The following MIPEP variants were observed in gnomAD, a reference collection of about 807,000 sequenced individuals.
The protein encoded by MIPEP is mitochondrial intermediate peptidase.
Under a neutral mutation model 90.3 loss-of-function variants are expected in MIPEP, and 79 were observed. The observed-to-expected ratio is 0.87, with a 90% CI of 0.73 to 1.05. The LOEUF is 1.05. Among genes scored for constraint, MIPEP ranks in the 50% least tolerant of loss-of-function variants. The pLI, the probability that MIPEP is intolerant of heterozygous loss-of-function variation, is 0.00. For missense variants in MIPEP, 940 were observed against 905.6 expected, an observed-to-expected ratio of 1.04 and a Z score of -0.49; for synonymous variants, 334 against 315.8, an observed-to-expected ratio of 1.06 and a Z score of -0.61.
chr13:23,743,053 C>T (rs1050384411), intron 18 of MIPEP, among the ~76,000 whole-genome samples: 1 of 152,112 alleles, frequency 6.6e-6, no homozygotes, highest in Non-Finnish European at 1.5e-5. Context: ...TGTGCTATGC[C>T]GTCCTCCATT....
chr13:23,888,315 A>G lies in MIPEP; in HGVS notation c.189+817T>C, dbSNP rs181049533. ...CAAAACTGATAATGGAGATAAAACA[A>G]GAATCACACACTTTAGCTCAGTGCA... On this transcript the variant is annotated intron_variant, in intron 1 of 18. Transcript: ENST00000382172. 2.0e-3 allele frequency among the ~76,000 whole-genome samples: 305 copies of G among 152,354 alleles called. 1 individual carries two copies. The highest frequency in any genetic ancestry group is 7.0e-3 in the African/African-American group (293 of 41,576).
At chr13:23,737,802 T>C (rs2138483714) in intron 18 of MIPEP, among the ~76,000 whole-genome samples, 1 of 152,340 alleles carries the variant, frequency 6.6e-6, no homozygotes, top group Admixed American at 6.5e-5. Context: ...TCTGGCTCCC[T>C]TTCCTAAGGC....
chr13:23,737,841 T>A (rs1952281892), intron 18 of MIPEP, among the ~76,000 whole-genome samples: 1 of 152,236 alleles, frequency 6.6e-6, no homozygotes, highest in Admixed American at 6.5e-5. Context: ...GTGTATCATT[T>A]AATTTCATAA....
chr13:23,828,025 T>G (rs7330646), intron 14 of MIPEP, among the ~76,000 whole-genome samples: 54,300 of 152,124 alleles, frequency 0.36, 10,385 homozygotes, highest in African/African-American at 0.5. Context: ...AATCCTGAAA[T>G]GCAAAGGTGG....
intron 14 of MIPEP, among the ~76,000 whole-genome samples, chr13:23,834,335 T>G (rs978705175): frequency 3.3e-5 from 5 of 152,194 alleles, no homozygotes; most frequent in Non-Finnish European, 7.3e-5. Context: ...TGTTTTTCCC[T>G]GTGTAACTTC....
At chr13:23,810,194 TAAA>T (rs1249621276) in intron 14 of MIPEP, among the ~76,000 whole-genome samples, 4 of 152,222 alleles carry the variant, frequency 2.6e-5, no homozygotes, top group Non-Finnish European at 5.9e-5. Context: ...CGCCGATCTT[TAAA>T]AATCTATTTA....
intron 14 of MIPEP, among the ~76,000 whole-genome samples, chr13:23,833,792 G>A (rs1868885713): frequency 6.6e-6 from 1 of 152,150 alleles, no homozygotes; most frequent in Non-Finnish European, 1.5e-5. Flanking sequence ...CCCCGCGTGT[G>A]TGTCCTCCCA....
chr13:23,856,235 T>G (rs1870043451), intron 10 of MIPEP, among the ~76,000 whole-genome samples: 1 of 152,150 alleles, frequency 6.6e-6, no homozygotes, highest in Admixed American at 6.5e-5. Flanking sequence ...TGGCAAGATG[T>G]CACAGATGTG....
At chr13:23,816,766 A>AGC (rs1953243467) in intron 14 of MIPEP, among the ~76,000 whole-genome samples, 4 of 152,188 alleles carry the variant, frequency 2.6e-5, no homozygotes, top group Non-Finnish European at 5.9e-5. Flanking sequence ...ACACGGAGGA[A>AGC]GCCTGTCTGC....
At chr13:23,872,435 T>C (rs1471952596) in intron 5 of MIPEP, among the ~76,000 whole-genome samples, 1 of 152,186 alleles carries the variant, frequency 6.6e-6, no homozygotes, top group Non-Finnish European at 1.5e-5. Flanking sequence ...CACTCCAGCC[T>C]GGGAAACAAG....
chr13:23,779,735 T>C (rs1468114417), intron 16 of MIPEP, among the ~76,000 whole-genome samples: 1 of 152,130 alleles, frequency 6.6e-6, no homozygotes, highest in African/African-American at 2.4e-5. Flanking sequence ...AGATGGCACC[T>C]GGAAAATCGG....
At chr13:23,830,846 C>CATCAGCATCACTGT (rs1237479957) in intron 14 of MIPEP, among the ~76,000 whole-genome samples, 1 of 152,160 alleles carries the variant, frequency 6.6e-6, no homozygotes, top group Non-Finnish European at 1.5e-5. Flanking sequence ...GTTTCTAGTT[C>CATCAGCATCACTGT]ATCAGCATCA....
At chr13:23,819,598 T>A (rs1953281130) in intron 14 of MIPEP, among the ~76,000 whole-genome samples, 1 of 152,054 alleles carries the variant, frequency 6.6e-6, no homozygotes. Context: ...ATCCAGAAAA[T>A]TCTGAATTCC....
chr13:23,839,827 T>A, intron 11 of MIPEP, 101 bp from the exon 12 acceptor site: 2 of 717,344 alleles, frequency 2.8e-6, no homozygotes, highest in South Asian at 4.0e-5. Flanking sequence ...GCCACACATA[T>A]AGACATTTTA....
At chr13:23,859,633 T>C (rs1211511392) in intron 9 of MIPEP, among the ~76,000 whole-genome samples, 2 of 152,190 alleles carry the variant, frequency 1.3e-5, no homozygotes, top group Non-Finnish European at 2.9e-5. Flanking sequence ...TTTGCATCCT[T>C]CCCTATTACA....
chr13:23,813,555 C>T (rs762248573), intron 14 of MIPEP, among the ~76,000 whole-genome samples: 5 of 152,104 alleles, frequency 3.3e-5, no homozygotes, highest in Non-Finnish European at 7.4e-5. Flanking sequence ...AATATATATA[C>T]ATATAAATAC....
intron 9 of MIPEP, among the ~76,000 whole-genome samples, chr13:23,860,691 T>C (rs994892088): frequency 3.9e-5 from 6 of 152,226 alleles, no homozygotes; most frequent in Non-Finnish European, 5.9e-5. Context: ...TATTCATTCA[T>C]AGTTCAAATA....
chr13:23,798,647 C>T (rs1952992117), intron 16 of MIPEP, among the ~76,000 whole-genome samples: 1 of 152,180 alleles, frequency 6.6e-6, no homozygotes, highest in Admixed American at 6.5e-5. Context: ...CATGGTTTAA[C>T]ACTATCCCCG....
At chr13:23,737,677 C>G (rs1346499611) in intron 18 of MIPEP, among the ~76,000 whole-genome samples, 1 of 152,136 alleles carries the variant, frequency 6.6e-6, no homozygotes, top group Non-Finnish European at 1.5e-5. Flanking sequence ...CTGTTTAACC[C>G]TTGAATGCCC....
Sources: gnomAD v4.1 joint callset for allele counts (sites outside exome capture counted in the v4.1 genomes callset) on GRCh38, gnomAD v4.1.1 for gene constraint, MANE v1.5 for transcripts, NCBI Gene and HGNC (gene_info 2026-07-23, HGNC 2026-07-21) for gene names.